MTCL1: variants seen among roughly 807,000 people sequenced by gnomAD.
MTCL1 encodes microtubule cross-linking factor 1.
Under a neutral mutation model 141.4 loss-of-function variants are expected in MTCL1, and 79 were observed. The observed-to-expected ratio is 0.56, with a 90% confidence interval of 0.47 to 0.67. The LOEUF is 0.67. MTCL1 is among the 30% of genes least tolerant of loss of function. MTCL1 has a pLI of 0.00. For synonymous variants in MTCL1, 914 were observed against 875.8 expected (o/e 1.04, Z -0.77); for missense variants, 2,177 against 2,113.9 (o/e 1.03, Z -0.59).
chr18:8,738,126 G>A (rs1156958088), intron 4 of MTCL1, among the ~76,000 whole-genome samples: 1 of 152,116 alleles, frequency 6.6e-6, no homozygotes, highest in African/African-American at 2.4e-5. Context: ...TTTCTGTTGG[G>A]TAGCTACGCA....
At chr18:8,706,359 C>T in exon 1 of MTCL1, 2 of 1,230,504 alleles carry the variant, frequency 1.6e-6, no homozygotes, top group Non-Finnish European at 2.0e-6. Context: ...CCAGCAGCGA[C>T]GCCGAATCCG....
chr18:8,706,302 C>G, exon 1 of MTCL1: 1 of 1,230,208 alleles, frequency 8.1e-7, no homozygotes, highest in Non-Finnish European at 1.0e-6. Context: ...ACCTCTCTGA[C>G]TGCCCCTCCG....
intron 4 of MTCL1, among the ~76,000 whole-genome samples, chr18:8,765,893 G>A (rs1172350116): frequency 2.0e-5 from 3 of 152,146 alleles, no homozygotes; most frequent in Admixed American, 1.3e-4. Flanking sequence ...CCCTGACTGG[G>A]CCTCTTTCCT....
At chr18:8,710,926 A>G (rs1473983585) in intron 1 of MTCL1, among the ~76,000 whole-genome samples, 2 of 132,368 alleles carry the variant, frequency 1.5e-5, no homozygotes, top group East Asian at 4.3e-4. Context: ...TTTAGGGTAC[A>G]TGTGCACATT....
chr18:8,807,181 G>C (rs1227940526), intron 11 of MTCL1, 121 bp downstream of exon 10: 1 of 1,049,328 alleles, frequency 9.5e-7, no homozygotes, highest in Non-Finnish European at 1.3e-6. Context: ...GAAAAAAAGA[G>C]AGGAGTGGCT....
chr18:8,809,663 G>A (rs1016982923), intron 11 of MTCL1: 1 of 1,495,670 alleles, frequency 6.7e-7, no homozygotes, highest in African/African-American at 1.4e-5. Context: ...GGGCCTGGTG[G>A]CCGGTTCATG....
chr18:8,721,004 G>A (rs761065301), intron 4 of MTCL1, among the ~76,000 whole-genome samples: 1 of 150,806 alleles, frequency 6.6e-6, no homozygotes, highest in Non-Finnish European at 1.5e-5. Flanking sequence ...AACACCACCT[G>A]TGTAGCTAAA....
chr18:8,715,911 G>A (rs1287827179), upstream of MTCL1, among the ~76,000 whole-genome samples: 1 of 152,194 alleles, frequency 6.6e-6, no homozygotes, highest in African/African-American at 2.4e-5. Flanking sequence ...TGAAAGAGCT[G>A]TGTTCTCTGG....
Position 8,779,656 on chromosome 18 carries a change from C to T in MTCL1, c.417+1764C>T, listed in dbSNP as rs971947709. 2.6e-5 allele frequency among the ~76,000 whole-genome samples: 4 copies of T among 152,102 alleles called. No individual in the cohort carries two copies. Among genetic ancestry groups the T allele is most frequent in the African/African-American group, 9.7e-5 (4 of 41,414 alleles). On this transcript the variant is annotated intron_variant, in intron 5 of 16. Transcript: ENST00000359865. The surrounding 1 kb of genome is among the most constrained non-coding windows in gnomAD (Gnocchi z 4.1). ...CGACCTCACGGAAGACGTCTGACTC[C>T]TTCATTTAATATACACTCTCCCATG... is the stretch of plus-strand genomic sequence containing the variant.
chr18:8,797,047 G>A (rs977206935), intron 9 of MTCL1, among the ~76,000 whole-genome samples: 1 of 152,160 alleles, frequency 6.6e-6, no homozygotes, highest in Non-Finnish European at 1.5e-5. Context: ...TCTGTGCTAC[G>A]CTCTGACCTA....
intron 4 of MTCL1, among the ~76,000 whole-genome samples, chr18:8,765,511 T>C (rs1047898782): frequency 1.3e-5 from 2 of 152,172 alleles, no homozygotes; most frequent in African/African-American, 4.8e-5. Flanking sequence ...CTTGGGCAAG[T>C]CACTTAACCT....
chr18:8,766,990 G>T (rs2096462705), intron 4 of MTCL1, among the ~76,000 whole-genome samples: 2 of 152,234 alleles, frequency 1.3e-5, no homozygotes, highest in Non-Finnish European at 2.9e-5. Flanking sequence ...GCCTCCAGGG[G>T]TTTGTCCTGT....
intron 13 of MTCL1, among the ~76,000 whole-genome samples, chr18:8,820,388 C>CACTCCA (rs1568099803): frequency 1.3e-5 from 2 of 151,594 alleles, no homozygotes; most frequent in Admixed American, 1.3e-4. Flanking sequence ...CCAGCCTGGG[C>CACTCCA]GACAGAGCAA....
chr18:8,791,963 G>A (rs924065215), intron 7 of MTCL1, among the ~76,000 whole-genome samples: 2 of 152,140 alleles, frequency 1.3e-5, no homozygotes, highest in African/African-American at 4.8e-5. Flanking sequence ...CAGTACTAAG[G>A]GAGGTGCTCT....
chr18:8,712,989 C>T (rs775722203), upstream of MTCL1, among the ~76,000 whole-genome samples: 6 of 152,072 alleles, frequency 3.9e-5, no homozygotes, highest in Non-Finnish European at 8.8e-5. Context: ...TAAGAGTTTT[C>T]ATCACTTATA....
In MTCL1 at chr18:8,826,244, T is replaced by C. The variant is rs1360896345; in HGVS notation, c.4722+12T>C. On this transcript the variant is annotated intron_variant, in intron 15 of 16. Coordinates refer to ENST00000359865, the Ensembl canonical transcript of MTCL1. ...CAGGGCCCATGGAGGTAATGAATGC[T>C]GAGTGCCCCACACCCTTCCCCACCA... The C allele has an allele frequency of 5.1e-6, 8 of 1,568,588 alleles. No individual in the cohort carries two copies. The South Asian group carries it at 9.6e-5, about 19-fold the overall frequency.
intron 4 of MTCL1, among the ~76,000 whole-genome samples, chr18:8,772,732 T>A (rs1046290669): frequency 1.3e-5 from 2 of 151,924 alleles, no homozygotes; most frequent in Non-Finnish European, 2.9e-5. Flanking sequence ...ACTAAATATA[T>A]GCTGTCTGTA....
At chr18:8,831,033 G>T in intron 16 of MTCL1, 1 of 985,756 alleles carries the variant, frequency 1.0e-6, no homozygotes, top group Non-Finnish European at 1.2e-6. Flanking sequence ...ATTTCTGCCT[G>T]CAGCATTTTT....
chr18:8,755,438 G>T (rs755204981), intron 4 of MTCL1, among the ~76,000 whole-genome samples: 1 of 152,222 alleles, frequency 6.6e-6, no homozygotes, highest in Non-Finnish European at 1.5e-5. Context: ...CTTGCAGCGT[G>T]TGTGAGTGTT....
Sources: allele counts gnomAD v4.1 joint callset (sites outside exome capture counted in the v4.1 genomes callset), GRCh38; gene constraint gnomAD v4.1.1; non-coding constraint Gnocchi (gnomAD v3.1); transcripts MANE v1.5; gene names NCBI Gene and HGNC (gene_info 2026-07-23, HGNC 2026-07-21).